ELL2: variants seen among roughly 807,000 people sequenced by gnomAD.
ELL2 encodes elongation factor for RNA polymerase II 2.
ELL2 carries 21 observed loss-of-function variants against 72.8 expected under a neutral mutation model. The observed-to-expected ratio is 0.29, with a 90% CI of 0.20 to 0.42. The LOEUF (loss-of-function observed/expected upper bound fraction) is 0.42, where lower values mean the gene tolerates loss of function less well. ELL2 is among the 10% of genes least tolerant of loss of function. The pLI, the probability that ELL2 is intolerant of heterozygous loss-of-function variation, is 1.00. For missense variants in ELL2, 568 were observed against 772.8 expected (o/e 0.73, Z 3.14); for synonymous variants, 266 against 283.2 (o/e 0.94, Z 0.61).
intron 1 of ELL2, among the ~76,000 whole-genome samples, chr5:95,958,067 C>T (rs1751682941): frequency 6.6e-6 from 1 of 152,148 alleles, no homozygotes; most frequent in Admixed American, 6.5e-5. Flanking sequence ...GAGTAATAGT[C>T]ATCACTTTAC....
At chr5:95,954,583 C>CTT (rs768347567) in intron 1 of ELL2, among the ~76,000 whole-genome samples, 9 of 98,646 alleles carry the variant, frequency 9.1e-5, no homozygotes, top group South Asian at 3.6e-4. Flanking sequence ...ATTTTCTTTT[C>CTT]TTTTTTTTTT....
In ELL2 at chr5:95,943,065, A is replaced by G; in HGVS notation, c.148-16T>C. The G allele has an allele frequency of 5.0e-6, 8 of 1,596,836 alleles. No homozygotes were observed. Among genetic ancestry groups the G allele is most frequent in the Non-Finnish European group, 6.8e-6 (8 of 1,171,046 alleles). On this transcript the variant is annotated splice_polypyrimidine_tract_variant and intron_variant, in intron 1 of 11. Coordinates refer to ENST00000237853, the MANE Select transcript of ELL2 (RefSeq NM_012081.6). Reference sequence around the variant, plus strand: ...GAATTAAATTCTATTAAAAGAAACAAAAGAAACAAACAGGTAAACCTTGGT... The same window carrying G: ...GAATTAAATTCTATTAAAAGAAACAGAAGAAACAAACAGGTAAACCTTGGT...
chr5:95,928,219 T>C (rs572824020), intron 2 of ELL2, among the ~76,000 whole-genome samples: 1 of 152,296 alleles, frequency 6.6e-6, no homozygotes, highest in African/African-American at 2.4e-5. Context: ...AATGCAAAGT[T>C]GAACCAAGTG....
At position 95,911,147 on chromosome 5, in the gene ELL2, G is replaced by A. The variant is rs1056201588; in HGVS notation, c.481+2624C>T. Among the ~76,000 whole-genome samples the A allele has an allele frequency of 3.9e-5, 6 of 152,128 alleles. No homozygotes were observed. In the South Asian group the frequency reaches 1.2e-3, roughly 32 times the overall value. On this transcript the variant is annotated intron_variant, in intron 4 of 11. Coordinates refer to ENST00000237853, the MANE Select transcript of ELL2 (RefSeq NM_012081.6). Reference sequence around the variant, plus strand: ...ATCAGACAGTTTTGAGACACCCAAAGAGGCAGGAAGATACAGACTGAGCTG... The same window carrying A: ...ATCAGACAGTTTTGAGACACCCAAAAAGGCAGGAAGATACAGACTGAGCTG...
At chr5:95,939,583 T>G (rs1750896264) in intron 2 of ELL2, among the ~76,000 whole-genome samples, 1 of 152,188 alleles carries the variant, frequency 6.6e-6, no homozygotes, top group African/African-American at 2.4e-5. Context: ...CAGGAAGAAC[T>G]TCTCCCTAGC....
At chr5:95,952,042 T>C (rs943040198) in intron 1 of ELL2, among the ~76,000 whole-genome samples, 2 of 152,038 alleles carry the variant, frequency 1.3e-5, no homozygotes, top group African/African-American at 2.4e-5. Flanking sequence ...AGCGAAGATA[T>C]GGAATCAACC....
chr5:95,913,543 C>G, intron 4 of ELL2: 1 of 392,784 alleles, frequency 2.5e-6, no homozygotes, highest in Non-Finnish European at 4.5e-6. Context: ...TAGTAAGTAG[C>G]CAACGAAGAT....
chr5:95,887,568 T>C lies in ELL2; in HGVS notation c.*1303A>G, dbSNP rs1748506169. On this transcript the variant is annotated 3_prime_UTR_variant, in exon 12 of 12. Transcript: ENST00000237853. ...ACATTAATTCAAAATCCTTATATTT[T>C]TGACCACATAACTTATGTTCCCACA... The C allele has an allele frequency of 2.0e-5, 3 of 152,652 alleles. No homozygotes were observed. The highest frequency in any genetic ancestry group is 6.5e-5 in the Admixed American group (1 of 15,280). 9.5% of individuals were successfully genotyped at this position (152,652 alleles called of 1,614,324 possible). A position where few individuals can be genotyped will look rare whatever the true frequency, so the allele number is the denominator to read the frequency against.
Position 95,898,368 on chromosome 5 carries a change from G to C in ELL2, c.1397C>G (p.Ser466Cys). ...SMSHKKSKKK[S>C]KKHKEKDQIK... ...TTGGTCCTTTTCCTTATGTTTTTTAGACTTCTTTTTGGACTTTTTGTGAGA... is the reference window on the plus strand; with the variant it reads ...TTGGTCCTTTTCCTTATGTTTTTTACACTTCTTTTTGGACTTTTTGTGAGA... The change falls in exon 8 of 12, where the codon TCT (serine) becomes TGT (cysteine). Residue 466 changes from serine (S) to cysteine (C), a missense_variant. Around this residue, in one of 2 missense-constraint regions of ELL2, gnomAD observed 511 missense variants for 728.4 expected, o/e 0.70. Coordinates refer to ENST00000237853, the MANE Select transcript of ELL2 (RefSeq NM_012081.6). 1.2e-6 allele frequency: 2 copies of C among 1,613,370 alleles called. No individual in the cohort carries two copies. The highest frequency in any genetic ancestry group is 1.1e-5 in the South Asian group (1 of 91,040).
intron 2 of ELL2, among the ~76,000 whole-genome samples, chr5:95,931,052 A>T (rs764963382): frequency 6.6e-5 from 10 of 151,700 alleles, no homozygotes; most frequent in Non-Finnish European, 1.3e-4. Context: ...GTTGTTTCTC[A>T]ATGGTTTGAG....
intron 9 of ELL2, among the ~76,000 whole-genome samples, chr5:95,893,758 T>C (rs1209224097): frequency 5.9e-5 from 9 of 152,250 alleles, no homozygotes; most frequent in Non-Finnish European, 1.0e-4. Flanking sequence ...GTTTTGGTAA[T>C]TTTTCTGAAA....
At chr5:95,934,800 G>A (rs902634524) in intron 2 of ELL2, among the ~76,000 whole-genome samples, 2 of 151,944 alleles carry the variant, frequency 1.3e-5, no homozygotes, top group African/African-American at 4.8e-5. Flanking sequence ...TTTGAACTTG[G>A]CATCTCCAAA....
chr5:95,921,028 C>A (rs1339624458), intron 2 of ELL2, among the ~76,000 whole-genome samples: 6 of 152,098 alleles, frequency 3.9e-5, no homozygotes, highest in African/African-American at 1.4e-4. Context: ...AGATAACCTG[C>A]AACCACTGAA....
At chr5:95,918,876 CCTTTTTTTTTTTTT>C (rs1199908694) in intron 3 of ELL2, among the ~76,000 whole-genome samples, 1 of 120,908 alleles carries the variant, frequency 8.3e-6, no homozygotes, top group Non-Finnish European at 1.6e-5. Context: ...TCTTCCTCCT[CCTTTTTTTTTTTTT>C]CTTTTTTTTT....
intron 1 of ELL2, among the ~76,000 whole-genome samples, chr5:95,950,912 AT>A (rs1561515345): frequency 1.5e-4 from 7 of 45,720 alleles, no homozygotes; most frequent in Non-Finnish European, 2.5e-4. Flanking sequence ...GTGTATATAT[AT>A]ATATATATAT....
chr5:95,946,794 T>C (rs553485139), intron 1 of ELL2, among the ~76,000 whole-genome samples: 1 of 152,328 alleles, frequency 6.6e-6, no homozygotes, highest in African/African-American at 2.4e-5. Context: ...ATTGCTTACT[T>C]AACATTCAAG....
chr5:95,943,580 G>A (rs1198083289), intron 1 of ELL2, among the ~76,000 whole-genome samples: 1 of 152,042 alleles, frequency 6.6e-6, no homozygotes, highest in Non-Finnish European at 1.5e-5. Flanking sequence ...GTGGGAGGAG[G>A]GAAGAGATAA....
intron 2 of ELL2, among the ~76,000 whole-genome samples, chr5:95,941,107 G>T (rs887073400): frequency 8.5e-5 from 13 of 152,118 alleles, no homozygotes; most frequent in African/African-American, 1.9e-4. Flanking sequence ...CCATCCTATA[G>T]CTCTCAGTCT....
intron 1 of ELL2, among the ~76,000 whole-genome samples, chr5:95,945,995 C>T (rs1580532926): frequency 1.3e-5 from 2 of 152,298 alleles, no homozygotes; most frequent in Middle Eastern, 6.8e-3. Flanking sequence ...CTGCCCTAAT[C>T]CCCTCCCTAA....
Sources: gnomAD v4.1 joint callset for allele counts (sites outside exome capture counted in the v4.1 genomes callset) on GRCh38, gnomAD v4.1.1 for gene constraint, gnomAD v4.1.1 regional missense constraint, MANE v1.5 for transcripts, NCBI Gene and HGNC (gene_info 2026-07-23, HGNC 2026-07-21) for gene names.